Variants in CSMD3 observed in about 807,000 individuals in gnomAD.
CSMD3 encodes the protein CUB and sushi domain-containing protein 3.
CSMD3 carries 177 observed loss-of-function variants against 435.2 expected under a neutral mutation model. That is an observed-to-expected ratio of 0.41 (90% CI 0.36 to 0.46). CSMD3 has a LOEUF of 0.46. CSMD3 is among the 20% of genes least tolerant of loss of function. The pLI, the probability that CSMD3 is intolerant of heterozygous loss-of-function variation, is 0.34. For synonymous variants in CSMD3, 1,656 were observed against 1,520.5 expected (o/e 1.09, Z -2.07); for missense variants, 4,265 against 4,504.6 (o/e 0.95, Z 1.52).
rs768584890 is a variant in CSMD3, at chr8:112,800,221, C to A, written c.1913G>T (p.Trp638Leu). ...DLIVSMSSQM[W>L]LHLQTDESVG... ...ACTTTCGTCCGTTTGAAGGTGCAGC[C>A]ACATTTGGCTACTCATGCTCACTAT... The change falls in exon 13 of 71, where the codon TGG becomes TTG. Residue 638 changes from tryptophan to leucine, a missense_variant. Coordinates refer to ENST00000297405, the MANE Select transcript of CSMD3 (RefSeq NM_198123.2). 6.2e-7 allele frequency: 1 copy of A among 1,612,982 alleles called. No individual in the cohort carries two copies. Among genetic ancestry groups the A allele is most frequent in the South Asian group, 1.1e-5 (1 of 91,048 alleles).
intron 36 of CSMD3, among the ~76,000 whole-genome samples, chr8:112,385,907 T>C (rs188818089): frequency 1.4e-5 from 2 of 144,928 alleles, no homozygotes; most frequent in African/African-American, 2.4e-5. Context: ...TCTGGAGATA[T>C]CAGGTTCTGA....
chr8:113,217,799 A>T (rs1179070011), intron 3 of CSMD3, among the ~76,000 whole-genome samples: 2 of 151,384 alleles, frequency 1.3e-5, no homozygotes, highest in African/African-American at 4.8e-5. Flanking sequence ...AACATATATA[A>T]GATATGATGG....
intron 24 of CSMD3, among the ~76,000 whole-genome samples, chr8:112,573,202 T>A (rs984942544): frequency 6.6e-6 from 1 of 152,108 alleles, no homozygotes; most frequent in Non-Finnish European, 1.5e-5. Context: ...TCATTGTATT[T>A]CTTAAATACT....
chr8:113,116,679 T>G (rs1316226223), intron 4 of CSMD3, among the ~76,000 whole-genome samples: 1 of 152,172 alleles, frequency 6.6e-6, no homozygotes, highest in African/African-American at 2.4e-5. Context: ...TGGAACTTCT[T>G]AGAGACTTAG....
chr8:112,243,074 T>C (rs192686088), intron 65 of CSMD3, among the ~76,000 whole-genome samples: 3 of 152,244 alleles, frequency 2.0e-5, no homozygotes, highest in African/African-American at 4.8e-5. Flanking sequence ...AGGTACTGAT[T>C]TGTGTTAAAA....
chr8:112,787,855 T>C (rs1038399720), intron 13 of CSMD3, among the ~76,000 whole-genome samples: 1 of 152,076 alleles, frequency 6.6e-6, no homozygotes, highest in East Asian at 1.9e-4. Context: ...TACAGTTAGA[T>C]TGAATGAATA....
intron 38 of CSMD3, among the ~76,000 whole-genome samples, chr8:112,371,484 C>T (rs923944422): frequency 1.3e-5 from 2 of 152,034 alleles, no homozygotes; most frequent in African/African-American, 4.8e-5. Flanking sequence ...AATTACACTC[C>T]CTCCTAAATG....
intron 8 of CSMD3, among the ~76,000 whole-genome samples, chr8:112,953,844 CTT>C (rs2083913803): frequency 6.6e-6 from 1 of 151,280 alleles, no homozygotes; most frequent in Admixed American, 6.6e-5. Flanking sequence ...AAAATATACT[CTT>C]GTTGAAGAAT....
intron 32 of CSMD3, among the ~76,000 whole-genome samples, chr8:112,433,177 T>C (rs1813899629): frequency 6.6e-6 from 1 of 152,126 alleles, no homozygotes. Flanking sequence ...GAAATAAATG[T>C]ATACAGTAGG....
At chr8:113,067,838 T>A (rs529870895) in intron 5 of CSMD3, among the ~76,000 whole-genome samples, 7 of 152,192 alleles carry the variant, frequency 4.6e-5, no homozygotes, top group Admixed American at 2.0e-4. Context: ...AATATCGCTC[T>A]TTAACTTGAA....
chr8:113,061,316 A>G (rs1243663441), intron 5 of CSMD3, among the ~76,000 whole-genome samples: 1 of 152,126 alleles, frequency 6.6e-6, no homozygotes, highest in Non-Finnish European at 1.5e-5. Flanking sequence ...TTAGTATCAA[A>G]TAGACTTTAC....
chr8:112,849,975 T>C (rs1224393320), intron 11 of CSMD3, among the ~76,000 whole-genome samples: 2 of 152,134 alleles, frequency 1.3e-5, no homozygotes, highest in Non-Finnish European at 2.9e-5. Flanking sequence ...GGCAAATTAC[T>C]TTCTCTCTCT....
At chr8:112,300,297 T>C (rs1005306366) in intron 53 of CSMD3, among the ~76,000 whole-genome samples, 6 of 148,280 alleles carry the variant, frequency 4.0e-5, no homozygotes, top group Admixed American at 2.0e-4. Context: ...TAATTATATA[T>C]AAATTTAAAA....
chr8:112,591,769 G>T (rs1200553420), intron 22 of CSMD3, among the ~76,000 whole-genome samples: 2 of 151,958 alleles, frequency 1.3e-5, no homozygotes, highest in Non-Finnish European at 1.5e-5. Context: ...TTTGCTCATA[G>T]AGGATCATAG....
intron 41 of CSMD3, among the ~76,000 whole-genome samples, chr8:112,343,248 T>C (rs1825349273): frequency 6.6e-6 from 1 of 152,074 alleles, no homozygotes; most frequent in Non-Finnish European, 1.5e-5. Context: ...TTTTTAATAA[T>C]TCATTTTAAA....
intron 6 of CSMD3, among the ~76,000 whole-genome samples, chr8:113,009,785 G>T (rs905483821): frequency 2.0e-5 from 3 of 151,666 alleles, no homozygotes; most frequent in South Asian, 2.1e-4. Flanking sequence ...CCCAATAAGG[G>T]TCTTATAATT....
At chr8:112,246,758 A>G (rs1470957395) in intron 64 of CSMD3, among the ~76,000 whole-genome samples, 1 of 152,180 alleles carries the variant, frequency 6.6e-6, no homozygotes, top group Non-Finnish European at 1.5e-5. Context: ...CATTACCTAA[A>G]ATTACCAGGT....
At chr8:112,277,077 G>A (rs1818129849) in intron 59 of CSMD3, among the ~76,000 whole-genome samples, 1 of 152,080 alleles carries the variant, frequency 6.6e-6, no homozygotes, top group African/African-American at 2.4e-5. Context: ...TTAACATTTG[G>A]CTCCTCATTA....
intron 67 of CSMD3, 91 bp downstream of exon 67, chr8:112,237,099 T>G: frequency 7.2e-7 from 1 of 1,390,980 alleles, no homozygotes; most frequent in Non-Finnish European, 1.0e-6. Context: ...AATAAACATT[T>G]CACCATATAA....
Sources: allele counts gnomAD v4.1 joint callset (sites outside exome capture counted in the v4.1 genomes callset), GRCh38; gene constraint gnomAD v4.1.1; transcripts MANE v1.5; gene names NCBI Gene and HGNC (gene_info 2026-07-23, HGNC 2026-07-21).